Variants in COBLL1 observed in about 807,000 individuals in gnomAD.
COBLL1 encodes the protein cordon-bleu WH2 repeat protein like 1.
A neutral mutation model predicts 94.8 loss-of-function variants in COBLL1; 50 were observed. That is an observed-to-expected ratio of 0.53 (90% CI 0.42 to 0.67). COBLL1 has a LOEUF of 0.67. Ranked by LOEUF, COBLL1 falls within the 30% of genes least tolerant of loss-of-function variation. The probability of loss-of-function intolerance (pLI) is 0.00; values close to 1 mark genes in which losing one functional copy is unlikely to be tolerated. For missense variants in COBLL1, 1,362 were observed against 1,348.7 expected, an observed-to-expected ratio of 1.01 and a Z score of -0.15; for synonymous variants, 448 against 473.8, an observed-to-expected ratio of 0.95 and a Z score of 0.71.
chr2:164,765,220 A>G (rs1687872720), intron 2 of COBLL1, among the ~76,000 whole-genome samples: 1 of 152,220 alleles, frequency 6.6e-6, no homozygotes, highest in Non-Finnish European at 1.5e-5. Context: ...GAATGCATAC[A>G]GTACCACATA....
At chr2:164,700,430 A>C (rs185677505) in intron 10 of COBLL1, 92 bp downstream of exon 10, 208 of 776,366 alleles carry the variant, frequency 2.7e-4, no homozygotes, top group Middle Eastern at 2.0e-3. Context: ...AGGGCTGACT[A>C]TATTTATGTT....
At position 164,727,144 on chromosome 2, in the gene COBLL1, G is replaced by C. The variant is rs1432164707; in HGVS notation, c.661+825C>G. ...CTTACTGAAGACAGTAACAGAAGTG[G>C]CTACAGAAGGAGGGGTATAAAAGAG... On this transcript the variant is annotated intron_variant, in intron 5 of 13. Transcript: ENST00000652658. 5 of 1,500,100 alleles carry C rather than the reference G, an allele frequency of 3.3e-6. No individual in the cohort carries two copies. In the African/African-American group the frequency reaches 7.0e-5, roughly 21 times the overall value. 92.9% of individuals were successfully genotyped at this position (1,500,100 alleles called of 1,614,324 possible).
intron 9 of COBLL1, among the ~76,000 whole-genome samples, chr2:164,702,081 G>A (rs1030984157): frequency 6.6e-6 from 1 of 151,812 alleles, no homozygotes; most frequent in African/African-American, 2.4e-5. Flanking sequence ...ATAAACATGA[G>A]AAATTTTAAT....
intron 2 of COBLL1, among the ~76,000 whole-genome samples, chr2:164,828,481 C>A (rs1396233462): frequency 2.0e-5 from 3 of 151,622 alleles, no homozygotes; most frequent in Non-Finnish European, 2.9e-5. Context: ...TAATACATAG[C>A]TAGAAAAAAA....
chr2:164,836,480 T>C (rs1196693376), intron 2 of COBLL1, among the ~76,000 whole-genome samples: 2 of 152,172 alleles, frequency 1.3e-5, no homozygotes, highest in Admixed American at 6.5e-5. Context: ...GTAGCAAACA[T>C]AGCACTATGA....
Position 164,722,880 on chromosome 2 carries a change from G to T in COBLL1, c.662-358C>A, listed in dbSNP as rs143546896. On this transcript the variant is annotated intron_variant, in intron 5 of 13. Coordinates refer to ENST00000652658, the MANE Select transcript of COBLL1 (RefSeq NM_001365672.2). ...TTCAAATTACACAAGACATGAAATC[G>T]CTACCACACAGTTTGTTCCTTTATT... 1.8e-4 allele frequency: 28 copies of T among 156,864 alleles called. No individual in the cohort carries two copies. In the East Asian group the frequency reaches 3.4e-3, roughly 19 times the overall value. 9.7% of individuals were successfully genotyped at this position (156,864 alleles called of 1,614,324 possible). A position where few individuals can be genotyped will look rare whatever the true frequency, so the allele number is the denominator to read the frequency against.
chr2:164,687,213 C>CTTTT, intron 13 of COBLL1: 1 of 343,014 alleles, frequency 2.9e-6, no homozygotes, highest in Non-Finnish European at 5.2e-6. Flanking sequence ...GACTTTCTTT[C>CTTTT]TTTTTTTTTT....
intron 2 of COBLL1, among the ~76,000 whole-genome samples, chr2:164,778,905 G>A (rs1688601981): frequency 6.6e-6 from 1 of 152,020 alleles, no homozygotes; most frequent in Admixed American, 6.6e-5. Context: ...AAAAGGGGAG[G>A]GGGAAGACCA....
chr2:164,699,742 CT>C (rs1684153571), intron 10 of COBLL1, among the ~76,000 whole-genome samples: 1 of 151,930 alleles, frequency 6.6e-6, no homozygotes, highest in Non-Finnish European at 1.5e-5. Context: ...AAGAAAGAAG[CT>C]TGGTAAAATA....
intron 13 of COBLL1, among the ~76,000 whole-genome samples, chr2:164,689,571 T>C (rs541327332): frequency 1.3e-5 from 2 of 152,262 alleles, no homozygotes; most frequent in East Asian, 3.9e-4. Context: ...ATAGAATATA[T>C]GTATAGAAAA....
Position 164,841,385 on chromosome 2 carries a change from G to A in COBLL1, c.-50-139C>T. On this transcript the variant is annotated intron_variant, in intron 1 of 13. Transcript: ENST00000652658. The surrounding 1 kb of genome is among the most constrained non-coding windows in gnomAD (Gnocchi z 5.5). ...CCTCCCGGGTGCGCTTCCACCTGCG[G>A]GCCCCGGCTCCCAGCCCGCGGGCGC... The A allele has an allele frequency of 8.5e-7, 1 of 1,178,934 alleles. No homozygotes were observed. The highest frequency in any genetic ancestry group is 1.0e-6 in the Non-Finnish European group (1 of 954,536). 73.0% of individuals were successfully genotyped at this position (1,178,934 alleles called of 1,614,324 possible).
At chr2:164,674,405 C>G (rs1330766248) in intron 1 of COBLL1, among the ~76,000 whole-genome samples, 2 of 152,044 alleles carry the variant, frequency 1.3e-5, no homozygotes, top group Non-Finnish European at 2.9e-5. Context: ...ACATTTATTG[C>G]ATGCCTAATA....
At chr2:164,664,586 T>G (rs968898210) in intron 2 of COBLL1, among the ~76,000 whole-genome samples, 5 of 152,164 alleles carry the variant, frequency 3.3e-5, no homozygotes, top group African/African-American at 1.2e-4. Flanking sequence ...GCTAGTTTAC[T>G]CCAACATGAT....
At chr2:164,765,472 T>C (rs2105233840) in intron 2 of COBLL1, among the ~76,000 whole-genome samples, 1 of 152,290 alleles carries the variant, frequency 6.6e-6, no homozygotes, top group South Asian at 2.1e-4. Context: ...TTAGATACGC[T>C]AATGCCATAA....
intron 2 of COBLL1, among the ~76,000 whole-genome samples, chr2:164,819,550 A>G (rs2105358525): frequency 6.6e-6 from 1 of 152,296 alleles, no homozygotes; most frequent in South Asian, 2.1e-4. Flanking sequence ...ATCAAACTGA[A>G]AAATGAGAAA....
At chr2:164,827,744 G>A (rs76561516) in intron 2 of COBLL1, among the ~76,000 whole-genome samples, 1,734 of 152,192 alleles carry the variant, frequency 0.011, 10 homozygotes, top group African/African-American at 0.028. Flanking sequence ...ACTCTCAAAC[G>A]TACAACCTGT....
At chr2:164,707,297 C>A (rs186536737) in intron 7 of COBLL1, among the ~76,000 whole-genome samples, 1 of 152,224 alleles carries the variant, frequency 6.6e-6, no homozygotes, top group Non-Finnish European at 1.5e-5. Context: ...TGCAATATGA[C>A]ACCTGGCTAA....
At chr2:164,771,765 A>C (rs539729317) in intron 2 of COBLL1, among the ~76,000 whole-genome samples, 1 of 152,146 alleles carries the variant, frequency 6.6e-6, no homozygotes, top group East Asian at 1.9e-4. Flanking sequence ...GACAAGAATA[A>C]ATTGTGATAA....
chr2:164,743,903 A>G (rs751747816), intron 2 of COBLL1, 28 bp from the exon 3 acceptor site: 1 of 1,427,230 alleles, frequency 7.0e-7, no homozygotes, highest in Non-Finnish European at 9.4e-7. Flanking sequence ...CACAAAAAAT[A>G]CAAAATATTT....
Sources: allele counts gnomAD v4.1 joint callset (sites outside exome capture counted in the v4.1 genomes callset), GRCh38; gene constraint gnomAD v4.1.1; non-coding constraint Gnocchi (gnomAD v3.1); transcripts MANE v1.5; gene names NCBI Gene and HGNC (gene_info 2026-07-23, HGNC 2026-07-21).